Variants in SCRN1 observed in about 807,000 individuals in gnomAD.
The protein encoded by SCRN1 is secernin-1.
SCRN1 carries 19 observed loss-of-function variants against 43.3 expected under a neutral mutation model. That is an observed-to-expected ratio of 0.44 (90% CI 0.31 to 0.64). SCRN1 has a LOEUF of 0.64. Among genes scored for constraint, SCRN1 ranks in the 30% least tolerant of loss-of-function variants. The pLI is 0.09. For synonymous variants in SCRN1, 183 were observed against 188.9 expected (o/e 0.97, Z 0.26); for missense variants, 447 against 524.1 (o/e 0.85, Z 1.44).
intron 3 of SCRN1, among the ~76,000 whole-genome samples, 200 bp downstream of exon 3, chr7:29,954,979 C>T (rs1033111573): frequency 5.3e-5 from 8 of 152,216 alleles, no homozygotes; most frequent in Admixed American, 5.2e-4. Flanking sequence ...CCATGCCCAG[C>T]CACTTGATTT....
At chr7:29,990,087 C>T, upstream of SCRN1, 1 of 1,543,288 alleles carries the variant, frequency 6.5e-7, no homozygotes, top group East Asian at 2.4e-5. Context: ...GAGCCAGGCC[C>T]AGCATCCTTT....
intron 5 of SCRN1, among the ~76,000 whole-genome samples, chr7:29,937,190 C>G (rs2128088777): frequency 6.6e-6 from 1 of 152,376 alleles, no homozygotes; most frequent in South Asian, 2.1e-4. Context: ...AAACTACAGT[C>G]TATTTCCCCA....
chr7:29,977,425 T>G (rs567729088), intron 1 of SCRN1, among the ~76,000 whole-genome samples: 5 of 152,356 alleles, frequency 3.3e-5, no homozygotes, highest in Admixed American at 2.6e-4. Context: ...TACAAATTGA[T>G]TTTTTCTGTT....
At chr7:29,944,467 C>A (rs982520436) in intron 3 of SCRN1, among the ~76,000 whole-genome samples, 5 of 151,954 alleles carry the variant, frequency 3.3e-5, no homozygotes, top group African/African-American at 1.2e-4. Flanking sequence ...TCAAGACCAG[C>A]CTGGGCAACA....
rs377688941 is a variant in SCRN1, at chr7:29,944,037, G to T, written c.484C>A (p.Arg162Ser). Residue 162 changes from arginine (R) to serine (S), a missense_variant, in exon 4 of 8, where the codon CGT becomes AGT. By Grantham distance (110) the Arg-to-Ser change is moderately radical. Transcript: ENST00000242059. ...SFQSAYLIVD[R>S]DEAWVLETIG... ...GTCTCGAGCACCCAGGCTTCATCAC[G>T]ATCCACAATCAGATATGCACTTTGG... is the stretch of plus-strand genomic sequence containing the variant. The T allele has an allele frequency of 6.2e-7, 1 of 1,614,166 alleles. No individual in the cohort carries two copies. Among genetic ancestry groups the T allele is most frequent in the South Asian group, 1.1e-5 (1 of 91,080 alleles).
At chr7:29,934,859 A>C (rs1219760516) in intron 6 of SCRN1, among the ~76,000 whole-genome samples, 2 of 152,200 alleles carry the variant, frequency 1.3e-5, no homozygotes, top group African/African-American at 4.8e-5. Flanking sequence ...CTGGGGGTAG[A>C]GGAGCAATAG....
intron 1 of SCRN1, among the ~76,000 whole-genome samples, chr7:29,971,650 A>T (rs960302527): frequency 6.6e-6 from 1 of 152,060 alleles, no homozygotes; most frequent in African/African-American, 2.4e-5. Context: ...AAAAAAAAAA[A>T]ACTTTATTTG....
intron 1 of SCRN1, among the ~76,000 whole-genome samples, chr7:29,969,620 C>G (rs969111291): frequency 6.6e-6 from 1 of 152,148 alleles, no homozygotes; most frequent in Non-Finnish European, 1.5e-5. Flanking sequence ...TTTGGTTTTC[C>G]GTCCACCTCC....
intron 2 of SCRN1, among the ~76,000 whole-genome samples, chr7:29,958,018 G>A (rs1357037041): frequency 2.6e-5 from 4 of 152,154 alleles, no homozygotes; most frequent in Admixed American, 6.5e-5. Context: ...TGTTTTTCAG[G>A]CCAAACTCGG....
intron 2 of SCRN1, among the ~76,000 whole-genome samples, chr7:29,964,039 A>G (rs1301391063): frequency 6.6e-6 from 1 of 152,238 alleles, no homozygotes; most frequent in Non-Finnish European, 1.5e-5. Flanking sequence ...GAAATTAATA[A>G]GAGTTATACA....
At chr7:29,932,216 A>C (rs1185685388) in intron 6 of SCRN1, among the ~76,000 whole-genome samples, 1 of 152,218 alleles carries the variant, frequency 6.6e-6, no homozygotes, top group Non-Finnish European at 1.5e-5. Context: ...CATGTTGCCT[A>C]GGGCCTTCGG....
chr7:29,932,765 G>A (rs529457583), intron 6 of SCRN1, among the ~76,000 whole-genome samples: 2 of 151,674 alleles, frequency 1.3e-5, no homozygotes, highest in East Asian at 3.9e-4. Flanking sequence ...GAATGTCCCT[G>A]GCATCTCTCC....
At chr7:29,976,095 G>T (rs1411927580) in intron 1 of SCRN1, among the ~76,000 whole-genome samples, 2 of 152,122 alleles carry the variant, frequency 1.3e-5, no homozygotes, top group African/African-American at 4.8e-5. Context: ...AAAAATATCT[G>T]CTACTTTTTC....
chr7:29,969,717 T>C (rs1788609524), intron 1 of SCRN1: 1 of 428,712 alleles, frequency 2.3e-6, no homozygotes, highest in African/African-American at 2.0e-5. Context: ...TGATCTTTTC[T>C]ATCTGGGAAA....
intron 2 of SCRN1, 57 bp downstream of exon 2, chr7:29,968,852 A>G: frequency 1.3e-6 from 2 of 1,599,982 alleles, no homozygotes; most frequent in Middle Eastern, 1.7e-4. Context: ...GGGTTGTGCT[A>G]GCGGCAAAGC....
At chr7:29,931,262 C>T (rs1379450276) in intron 6 of SCRN1, among the ~76,000 whole-genome samples, 3 of 152,258 alleles carry the variant, frequency 2.0e-5, no homozygotes, top group African/African-American at 7.2e-5. Flanking sequence ...CAGCATAATT[C>T]TCAAAGCATC....
chr7:29,955,828 A>G (rs1788119455), intron 2 of SCRN1, among the ~76,000 whole-genome samples: 1 of 152,248 alleles, frequency 6.6e-6, no homozygotes, highest in Admixed American at 6.5e-5. Context: ...GGGTTTCCTG[A>G]AACACAGTTT....
chr7:29,966,655 C>T (rs1326593502), intron 2 of SCRN1, among the ~76,000 whole-genome samples: 3 of 152,168 alleles, frequency 2.0e-5, no homozygotes, highest in Admixed American at 2.0e-4. Context: ...GAACCTAGCA[C>T]TCTTCTTCAC....
intron 6 of SCRN1, among the ~76,000 whole-genome samples, chr7:29,936,137 G>A (rs1387825424): frequency 6.6e-6 from 1 of 152,148 alleles, no homozygotes; most frequent in Non-Finnish European, 1.5e-5. Flanking sequence ...CTAACTCACA[G>A]GAACTGGTTG....
Sources: gnomAD v4.1 joint callset for allele counts (sites outside exome capture counted in the v4.1 genomes callset) on GRCh38, gnomAD v4.1.1 for gene constraint, MANE v1.5 for transcripts, NCBI Gene and HGNC (gene_info 2026-07-23, HGNC 2026-07-21) for gene names.